Variants in HSP90AB1 observed in about 807,000 individuals in gnomAD.
HSP90AB1 encodes the protein heat shock protein HSP 90-beta.
HSP90AB1 carries 17 observed loss-of-function variants against 67.8 expected under a neutral mutation model. The observed-to-expected ratio is 0.25, with a 90% CI of 0.17 to 0.38. The LOEUF is 0.38. Ranked by LOEUF, HSP90AB1 falls within the 10% of genes least tolerant of loss-of-function variation. The pLI, the probability that HSP90AB1 is intolerant of heterozygous loss-of-function variation, is 1.00. For missense variants in HSP90AB1, 690 were observed against 899.9 expected (o/e 0.77, Z 2.98); for synonymous variants, 390 against 312.9 (o/e 1.25, Z -2.60).
At chr6:44,251,294 A>G (rs1780611157) in intron 7 of HSP90AB1, 81 bp downstream of exon 7, 3 of 1,556,330 alleles carry the variant, frequency 1.9e-6, no homozygotes, top group Admixed American at 1.7e-5. Flanking sequence ...CTAAGGTAAC[A>G]GTTTTCTGCA....
upstream of HSP90AB1, among the ~76,000 whole-genome samples, chr6:44,246,539 C>A (rs562860647): frequency 2.0e-5 from 3 of 152,204 alleles, no homozygotes; most frequent in Non-Finnish European, 2.9e-5. Flanking sequence ...GCGCCCTCCC[C>A]CTACGCTGAG....
At position 44,250,372 on chromosome 6, in the gene HSP90AB1, G is replaced by T; in HGVS notation, c.730G>T (p.Asp244Tyr). ...KGEKEEEDKD[D>Y]EEKPKIEDVG... ...TGAGAAAGAAGAGGAAGATAAAGAT[G>T]ATGAAGAAAAACCCAAGATCGAAGA... Residue 244 changes from aspartate (D) to tyrosine (Y), a missense_variant, in exon 6 of 12, where the codon GAT (aspartate) becomes TAT (tyrosine). By Grantham distance (160) the Asp-to-Tyr change is radical. Coordinates refer to ENST00000371646, the MANE Select transcript of HSP90AB1 (RefSeq NM_007355.4). 6.2e-7 allele frequency: 1 copy of T among 1,613,600 alleles called. No individual in the cohort carries two copies. The highest frequency in any genetic ancestry group is 8.5e-7 in the Non-Finnish European group (1 of 1,179,648).
chr6:44,249,727 C>G lies in HSP90AB1; in HGVS notation c.407C>G (p.Ala136Gly). 5 of 1,614,020 alleles carry G rather than the reference C, an allele frequency of 3.1e-6. No homozygotes were observed. Among genetic ancestry groups the G allele is most frequent in the Non-Finnish European group, 4.2e-6 (5 of 1,179,966 alleles). The change falls in exon 4 of 12, where the codon GCC becomes GGC. Residue 136 changes from alanine to glycine, a missense_variant. This residue lies in a region of HSP90AB1 where 88 missense variants were observed against 167.7 expected (regional missense o/e 0.52). Transcript: ENST00000371646. ...CAGTTTGGTGTTGGCTTTTATTCTG[C>G]CTACTTGGTGGCAGAGAAAGTGGTT... ...IGQFGVGFYSAYLVAEKVVVI... is the reference protein window; with the variant it reads ...IGQFGVGFYSGYLVAEKVVVI...
At chr6:44,246,276 C>G (rs1022318655), upstream of HSP90AB1, 3 of 152,268 alleles carry the variant, frequency 2.0e-5, no homozygotes, top group Non-Finnish European at 4.4e-5. Flanking sequence ...AAGGAGGGGT[C>G]AGCCGATCCC....
In HSP90AB1 at chr6:44,253,249, A is replaced by G; in HGVS notation, c.1936A>G (p.Lys646Glu). ...GCTGCGGCAGAAGGCTGAGGCCGAC[A>G]AGAATGATAAGGCAGTTAAGGACCT... Reference protein sequence around the residue: ...ETLRQKAEADKNDKAVKDLVV... With the variant: ...ETLRQKAEADENDKAVKDLVV... The change falls in exon 11 of 12, where the codon AAG becomes GAG. Residue 646 changes from lysine (K) to glutamate (E), a missense_variant. Lys to Glu is a moderately conservative substitution (Grantham distance 56). Coordinates refer to ENST00000371646, the MANE Select transcript of HSP90AB1 (RefSeq NM_007355.4). 1 of 1,614,244 alleles carries G rather than the reference A, an allele frequency of 6.2e-7. No individual in the cohort carries two copies.
rs1436208813 is a variant in HSP90AB1 at position 44,249,817 on chromosome 6, C to G, written c.497C>G (p.Thr166Ser). ...GAGTCTTCTGCTGGAGGTTCCTTCA[C>G]TGTGCGTGCTGACCATGGTAAGTTA... is the stretch of plus-strand genomic sequence containing the variant. ...AWESSAGGSF[T>S]VRADHGEPIG... Residue 166 changes from threonine to serine, a missense_variant, in exon 4 of 12, where the codon ACT becomes AGT. Coordinates refer to ENST00000371646, the MANE Select transcript of HSP90AB1 (RefSeq NM_007355.4). The G allele has an allele frequency of 1.9e-6, 3 of 1,610,174 alleles. No individual in the cohort carries two copies. The highest frequency in any genetic ancestry group is 2.5e-6 in the Non-Finnish European group (3 of 1,177,626).
At chr6:44,249,972 A>G (rs1440098716) in intron 4 of HSP90AB1, 49 bp from the exon 5 acceptor site, 4 of 1,609,848 alleles carry the variant, frequency 2.5e-6, no homozygotes, top group African/African-American at 2.7e-5. Flanking sequence ...GCTGGTCTCA[A>G]CTGCATATAC....
In HSP90AB1 at chr6:44,248,809, T is replaced by G. The variant is rs773018976; in HGVS notation, c.147+33T>G. On this transcript the variant is annotated intron_variant, in intron 2 of 11. Transcript: ENST00000371646. The stretch of plus-strand genomic sequence containing the variant: ...CTCTGGTTTCCACATTTGGCATGGT[T>G]TTTTTTTTTGATACTCTAGAAGGAG... 1.7e-4 allele frequency: 213 copies of G among 1,259,536 alleles called. No individual in the cohort carries two copies. The African/African-American group carries it at 6.0e-3, about 35-fold the overall frequency. 78.0% of individuals were successfully genotyped at this position (1,259,536 alleles called of 1,614,324 possible). A position where few individuals can be genotyped will look rare whatever the true frequency, so the allele number is the denominator to read the frequency against.
At position 44,251,511 on chromosome 6, in the gene HSP90AB1, A is replaced by C; in HGVS notation, c.1217A>C (p.Lys406Thr). ...QQSKILKVIRKNIVKKCLELF... is the reference protein window; with the variant it reads ...QQSKILKVIRTNIVKKCLELF... ...AGCAAAATCTTGAAAGTCATTCGCA[A>C]AAACATTGTTAAGAAGTGCCTTGAG... The change falls in exon 8 of 12, where the codon AAA becomes ACA. Residue 406 changes from lysine (K) to threonine (T), a missense_variant. By Grantham distance (78) the Lys-to-Thr change is moderately conservative (BLOSUM62 -1). This residue lies in a region of HSP90AB1 where 101 missense variants were observed against 174.8 expected (regional missense o/e 0.58). Coordinates refer to ENST00000371646, the MANE Select transcript of HSP90AB1 (RefSeq NM_007355.4). 1 of 1,612,556 alleles carries C rather than the reference A, an allele frequency of 6.2e-7. No homozygotes were observed. The highest frequency in any genetic ancestry group is 8.5e-7 in the Non-Finnish European group (1 of 1,178,766).
At position 44,250,587 on chromosome 6, in the gene HSP90AB1, C is replaced by T. The variant is rs201122285; in HGVS notation, c.945C>T (p.His315=). The change falls in exon 6 of 12, where the codon CAC becomes CAT. Residue 315 remains histidine (H), a synonymous_variant. Transcript: ENST00000371646. The part of the protein sequence containing the change: ...YKSLTNDWED[H]LAVKHFSVEG... ...GCCTCACTAATGACTGGGAAGACCA[C>T]TTGGCAGTCAAGGTGTGAGAAGCCT... is the stretch of plus-strand genomic sequence containing the variant. 6.3e-7 allele frequency: 1 copy of T among 1,598,784 alleles called. No homozygotes were observed. The highest frequency in any genetic ancestry group is 1.3e-5 in the African/African-American group (1 of 74,494).
chr6:44,247,588 C>T (rs1409357146), intron 1 of HSP90AB1, among the ~76,000 whole-genome samples: 2 of 152,220 alleles, frequency 1.3e-5, no homozygotes, highest in Admixed American at 1.3e-4. Context: ...GGTGACTCAG[C>T]ACGGCCTTGT....
rs1043262081 is a variant in HSP90AB1 at position 44,247,195 on chromosome 6, G to A, written c.-1G>A. On this transcript the variant is annotated splice_region_variant and 5_prime_UTR_variant, in exon 1 of 12. Transcript: ENST00000371646. ...TTACGTATAATCCTTTTCTTTTCAA[G>A]GTAAGGCTGAGATCTCCGCTAGGCT... is the stretch of plus-strand genomic sequence containing the variant. 6.6e-6 allele frequency: 1 copy of A among 152,228 alleles called. No homozygotes were observed. Among genetic ancestry groups the A allele is most frequent in the African/African-American group, 2.4e-5 (1 of 41,444 alleles). The allele number at this position is 152,228 out of a possible 1,614,324, so 9.4% of individuals were successfully genotyped here. A position where few individuals can be genotyped will look rare whatever the true frequency, so the allele number is the denominator to read the frequency against.
rs1780599476 is a variant in HSP90AB1 at position 44,251,208 on chromosome 6, A to G, written c.1118A>G (p.Tyr373Cys). The change falls in exon 7 of 12, where the codon TAT becomes TGT. Residue 373 changes from tyrosine (Y) to cysteine (C), a missense_variant. Transcript: ENST00000371646. ...AGCTGTGATGAGTTGATACCAGAGT[A>G]TCTCAGTGAGTATCTCCTTGGCCTA... ...MDSCDELIPE[Y>C]LNFIRGVVDS... is the part of the protein sequence containing the mutation. The G allele has an allele frequency of 6.2e-7, 1 of 1,614,130 alleles. No individual in the cohort carries two copies. Among genetic ancestry groups the G allele is most frequent in the Non-Finnish European group, 8.5e-7 (1 of 1,179,956 alleles).
At chr6:44,246,909 G>C (rs1278705928), upstream of HSP90AB1, among the ~76,000 whole-genome samples, 1 of 152,224 alleles carries the variant, frequency 6.6e-6, no homozygotes, top group Non-Finnish European at 1.5e-5. Flanking sequence ...GTGATCACAA[G>C]CAAATGTGTG....
At chr6:44,248,902 A>T (rs1194857684) in intron 2 of HSP90AB1, 126 bp downstream of exon 2, 1 of 852,770 alleles carries the variant, frequency 1.2e-6, no homozygotes, top group Non-Finnish European at 1.9e-6. Flanking sequence ...GCTATTCCAA[A>T]AAGATGGGTT....
chr6:44,253,247 A>G lies in HSP90AB1; in HGVS notation c.1934A>G (p.Asp645Gly). 6.2e-7 allele frequency: 1 copy of G among 1,614,250 alleles called. No individual in the cohort carries two copies. The highest frequency in any genetic ancestry group is 8.5e-7 in the Non-Finnish European group (1 of 1,180,042). Residue 645 changes from aspartate (D) to glycine (G), a missense_variant, in exon 11 of 12, where the codon GAC becomes GGC. Around this residue, in one of 7 missense-constraint regions of HSP90AB1, gnomAD observed 120 missense variants for 153.5 expected, o/e 0.78. Coordinates refer to ENST00000371646, the MANE Select transcript of HSP90AB1 (RefSeq NM_007355.4). ...VETLRQKAEA[D>G]KNDKAVKDLV... ...ACGCTGCGGCAGAAGGCTGAGGCCG[A>G]CAAGAATGATAAGGCAGTTAAGGAC...
At position 44,253,591 on chromosome 6, in the gene HSP90AB1, T is replaced by A; in HGVS notation, c.2168T>A (p.Val723Asp). 9 of 1,612,892 alleles carry A rather than the reference T, an allele frequency of 5.6e-6. No homozygotes were observed. Among genetic ancestry groups the A allele is most frequent in the African/African-American group, 1.3e-5 (1 of 74,986 alleles). The change falls in exon 12 of 12, where the codon GTC becomes GAC. Residue 723 changes from valine (V) to aspartate (D), a missense_variant. Physicochemically the swap from Val to Asp is radical, Grantham distance 152. Transcript: ENST00000371646. ...GAGGATGCGTCTCGCATGGAAGAAG[T>A]CGATTAGGTTAGGAGTTCATAGTTG... ...GDEDASRMEEVD is the reference protein window; with the variant it reads ...GDEDASRMEEDD
At chr6:44,251,651 G>C (rs1412879333) in intron 8 of HSP90AB1, 43 bp downstream of exon 8, 7 of 1,586,888 alleles carry the variant, frequency 4.4e-6, no homozygotes, top group Non-Finnish European at 4.3e-6. Context: ...CACTTTCTTA[G>C]TAATAACAAT....
At position 44,253,622 on chromosome 6, in the gene HSP90AB1, CTTG is replaced by C. The variant is rs779361652; in HGVS notation, c.*26_*28del. On this transcript the variant is annotated 3_prime_UTR_variant, in exon 12 of 12. Transcript: ENST00000371646. ...AGGTTAGGAGTTCATAGTTGGAAAACTTGTGCCCTTGTATAGTGTCCCCATGGG... is the reference window on the plus strand; with the variant it reads ...AGGTTAGGAGTTCATAGTTGGAAAACTGCCCTTGTATAGTGTCCCCATGGG... The C allele has an allele frequency of 6.3e-7, 1 of 1,580,832 alleles. No individual in the cohort carries two copies. The highest frequency in any genetic ancestry group is 8.7e-7 in the Non-Finnish European group (1 of 1,149,782).
Sources: allele counts gnomAD v4.1 joint callset (sites outside exome capture counted in the v4.1 genomes callset), GRCh38; gene constraint gnomAD v4.1.1; regional missense constraint gnomAD v4.1.1; transcripts MANE v1.5; gene names NCBI Gene and HGNC (gene_info 2026-07-23, HGNC 2026-07-21).